Variants in PHF2 observed in about 807,000 individuals in gnomAD.
The protein encoded by PHF2 is lysine-specific demethylase PHF2.
A neutral mutation model predicts 120.5 loss-of-function variants in PHF2; 27 were observed. That is an observed-to-expected ratio of 0.22 (90% CI 0.17 to 0.31). The LOEUF (loss-of-function observed/expected upper bound fraction) is 0.31. PHF2 is among the 10% of genes least tolerant of loss of function. The probability of loss-of-function intolerance (pLI) is 1.00; values close to 1 mark genes in which losing one functional copy is unlikely to be tolerated. For missense variants in PHF2, 1,024 were observed against 1,434.8 expected (o/e 0.71, Z 4.63); for synonymous variants, 568 against 592.5 (o/e 0.96, Z 0.60).
Position 93,675,619 on chromosome 9 carries a change from C to T in PHF2, c.2723-61C>T, listed in dbSNP as rs2118154608. ...GGGGTGGGGGCAGGGTAGCCCCAAA[C>T]CAGGAGGGGTGGACAGGCTGTGGCC... On this transcript the variant is annotated intron_variant, in intron 19 of 21. Transcript: ENST00000359246. The T allele has an allele frequency of 5.9e-6, 8 of 1,363,566 alleles. No homozygotes were observed. The South Asian group carries it at 6.0e-5, about 10-fold the overall frequency. 84.5% of individuals were successfully genotyped at this position (1,363,566 alleles called of 1,614,324 possible).
At chr9:93,620,054 C>T (rs7033439) in intron 1 of PHF2, among the ~76,000 whole-genome samples, 108,052 of 152,114 alleles carry the variant, frequency 0.71, 38,677 homozygotes, top group East Asian at 0.85. Flanking sequence ...CTCCCTCGGA[C>T]TCTGCAGTCC....
intron 1 of PHF2, among the ~76,000 whole-genome samples, chr9:93,600,271 G>C (rs1825416346): frequency 6.6e-6 from 1 of 152,054 alleles, no homozygotes; most frequent in Admixed American, 6.6e-5. Flanking sequence ...GTGTCACCCT[G>C]ACAGTCTGCT....
chr9:93,665,983 C>T lies in PHF2; in HGVS notation c.2117-7C>T. On this transcript the variant is annotated splice_region_variant and splice_polypyrimidine_tract_variant and intron_variant, in intron 15 of 21. Coordinates refer to ENST00000359246, the MANE Select transcript of PHF2 (RefSeq NM_005392.4). ...TCCCGCTGGACTGCCATCTGCTGTGCTTTCAGTCTTGTTGGATAAGAAGGC... is the reference window on the plus strand; with the variant it reads ...TCCCGCTGGACTGCCATCTGCTGTGTTTTCAGTCTTGTTGGATAAGAAGGC... The T allele has an allele frequency of 6.2e-7, 1 of 1,613,480 alleles. No individual in the cohort carries two copies. The highest frequency in any genetic ancestry group is 1.3e-5 in the African/African-American group (1 of 75,060).
chr9:93,666,010 G>C lies in PHF2; in HGVS notation c.2137G>C (p.Val713Leu). ...DLSFLLDKKAVLPTPVTKPKL... is the reference protein window; with the variant it reads ...DLSFLLDKKALLPTPVTKPKL... ...TTCAGTCTTGTTGGATAAGAAGGCT[G>C]TGCTGCCCACGCCTGTCACGAAGCC... is the stretch of plus-strand genomic sequence containing the variant. The change falls in exon 16 of 22, where the codon GTG (valine) becomes CTG (leucine). Residue 713 changes from valine to leucine, a missense_variant. Coordinates refer to ENST00000359246, the MANE Select transcript of PHF2 (RefSeq NM_005392.4). The C allele has an allele frequency of 6.2e-7, 1 of 1,613,530 alleles. No individual in the cohort carries two copies. The highest frequency in any genetic ancestry group is 8.5e-7 in the Non-Finnish European group (1 of 1,179,810).
intron 1 of PHF2, among the ~76,000 whole-genome samples, chr9:93,611,314 C>T (rs1454479553): frequency 1.3e-5 from 2 of 151,722 alleles, no homozygotes; most frequent in Non-Finnish European, 2.9e-5. Flanking sequence ...ACTCAGGAGC[C>T]TGAGGCAGAA....
intron 3 of PHF2, among the ~76,000 whole-genome samples, chr9:93,644,946 G>A (rs758371917): frequency 1.1e-4 from 16 of 152,182 alleles, no homozygotes; most frequent in Non-Finnish European, 2.2e-4. Context: ...GGCCAGGACA[G>A]GATGCTCTTG....
At chr9:93,627,315 T>C (rs1825928627) in intron 1 of PHF2, among the ~76,000 whole-genome samples, 1 of 152,190 alleles carries the variant, frequency 6.6e-6, no homozygotes, top group African/African-American at 2.4e-5. Flanking sequence ...TGTGTAGAAA[T>C]CCAACTGGTT....
At chr9:93,657,074 C>T (rs963305909) in intron 9 of PHF2, among the ~76,000 whole-genome samples, 8 of 152,142 alleles carry the variant, frequency 5.3e-5, no homozygotes, top group African/African-American at 1.9e-4. Context: ...CCGGGCCGCC[C>T]TTTTCTGTCC....
At chr9:93,662,652 A>T (rs1471834878) in intron 12 of PHF2, among the ~76,000 whole-genome samples, 1 of 151,704 alleles carries the variant, frequency 6.6e-6, no homozygotes, top group Non-Finnish European at 1.5e-5. Flanking sequence ...AATGAACGGG[A>T]TGAATGAATG....
At chr9:93,621,843 TTGAC>T (rs1825832787) in intron 1 of PHF2, among the ~76,000 whole-genome samples, 1 of 152,326 alleles carries the variant, frequency 6.6e-6, no homozygotes, top group East Asian at 1.9e-4. Context: ...TCCATCCTTG[TTGAC>T]TGACTGCAGC....
chr9:93,647,377 A>C (rs1826279851), intron 4 of PHF2, among the ~76,000 whole-genome samples: 2 of 152,040 alleles, frequency 1.3e-5, no homozygotes, highest in Admixed American at 1.3e-4. Flanking sequence ...TGTTCCCTCC[A>C]CAGCTGTCCC....
intron 3 of PHF2, among the ~76,000 whole-genome samples, chr9:93,645,081 G>C (rs1826231928): frequency 6.6e-6 from 1 of 152,184 alleles, no homozygotes; most frequent in Non-Finnish European, 1.5e-5. Context: ...CAGGGCGAGA[G>C]AGAGACAGAA....
chr9:93,598,736 A>T (rs781091497), intron 1 of PHF2, among the ~76,000 whole-genome samples: 2 of 152,166 alleles, frequency 1.3e-5, no homozygotes, highest in Admixed American at 6.5e-5. Context: ...TCCCCATCCC[A>T]GGCTGCTGAC....
chr9:93,676,799 C>T lies in PHF2; in HGVS notation c.3038C>T (p.Pro1013Leu), dbSNP rs762832118. 89 of 1,552,958 alleles carry T rather than the reference C, an allele frequency of 5.7e-5. No individual in the cohort carries two copies. Among genetic ancestry groups the T allele is most frequent in the Non-Finnish European group, 7.2e-5 (83 of 1,148,054 alleles). ...CAGGAGGGCAGCTCGCCAGAGCCCC[C>T]GCCTGAGTCGCATAGCAGCAGCCTG... Reference protein sequence around the residue: ...ASQEGSSPEPPPESHSSSLAD... With the variant: ...ASQEGSSPEPLPESHSSSLAD... Residue 1013 changes from proline (P) to leucine (L), a missense_variant, in exon 21 of 22, where the codon CCG becomes CTG. This residue lies in a region of PHF2 where 677 missense variants were observed against 857.4 expected (regional missense o/e 0.79). Transcript: ENST00000359246.
At chr9:93,671,005 A>G (rs1826771912) in intron 17 of PHF2, 1 of 982,616 alleles carries the variant, frequency 1.0e-6, no homozygotes, top group African/African-American at 1.8e-5. Flanking sequence ...GTGCAGATGC[A>G]GCTGCAGGTC....
Position 93,653,376 on chromosome 9 carries a change from C to A in PHF2, c.789+11C>A. ...TACCACGTGCTCAAGGTGAGCCACGCCCCTCGGGGCACCTCTGCCTTGCCA... is the reference window on the plus strand; with the variant it reads ...TACCACGTGCTCAAGGTGAGCCACGACCCTCGGGGCACCTCTGCCTTGCCA... On this transcript the variant is annotated intron_variant, in intron 6 of 21. Transcript: ENST00000359246. 2 of 1,611,824 alleles carry A rather than the reference C, an allele frequency of 1.2e-6. No individual in the cohort carries two copies. Among genetic ancestry groups the A allele is most frequent in the Non-Finnish European group, 1.7e-6 (2 of 1,179,168 alleles).
chr9:93,629,576 G>A (rs1209011603), intron 1 of PHF2, among the ~76,000 whole-genome samples: 1 of 152,192 alleles, frequency 6.6e-6, no homozygotes, highest in African/African-American at 2.4e-5. Context: ...AGCTGCCTCT[G>A]GTGTTTTCTG....
In PHF2 at chr9:93,600,044, C is replaced by T. The variant is rs182392725; in HGVS notation, c.98+23173C>T. On this transcript the variant is annotated intron_variant, in intron 1 of 21. Transcript: ENST00000359246. ...CCTGCGTGGCCAGGTGAGAGGAAGT[C>T]CCTGCTGTGCTTGTGGGTGGTGTGT... is the stretch of plus-strand genomic sequence containing the variant. Among the ~76,000 whole-genome samples the T allele has an allele frequency of 4.6e-5, 7 of 152,126 alleles. 2 individuals are homozygous for T. The highest frequency in any genetic ancestry group is 1.7e-4 in the African/African-American group (7 of 41,418).
At chr9:93,627,189 C>T (rs945877183) in intron 1 of PHF2, among the ~76,000 whole-genome samples, 3 of 152,162 alleles carry the variant, frequency 2.0e-5, no homozygotes, top group African/African-American at 7.2e-5. Flanking sequence ...CAGCAGTATA[C>T]AAGTCTTGCA....
Sources: gnomAD v4.1 joint callset for allele counts (sites outside exome capture counted in the v4.1 genomes callset) on GRCh38, gnomAD v4.1.1 for gene constraint, gnomAD v4.1.1 regional missense constraint, MANE v1.5 for transcripts, NCBI Gene and HGNC (gene_info 2026-07-23, HGNC 2026-07-21) for gene names.